The following ABTB2 variants were observed in gnomAD, a reference collection of about 807,000 sequenced individuals.
The protein encoded by ABTB2 is ankyrin repeat and BTB domain containing 2, also known as ankyrin repeat and BTB/POZ domain-containing protein 2.
A neutral mutation model predicts 104.1 loss-of-function variants in ABTB2; 56 were observed. The ratio of observed to expected loss-of-function variants is 0.54; its 90% CI spans 0.43 to 0.67. The LOEUF (loss-of-function observed/expected upper bound fraction) is 0.67, where lower values mean the gene tolerates loss of function less well. ABTB2 is among the 30% of genes least tolerant of loss of function. The pLI is 0.00. For missense variants in ABTB2, 1,279 were observed against 1,407.7 expected, an observed-to-expected ratio of 0.91 and a Z score of 1.46; for synonymous variants, 606 against 608.2, an observed-to-expected ratio of 1.00 and a Z score of 0.05.
intron 1 of ABTB2, among the ~76,000 whole-genome samples, chr11:34,266,495 A>G (rs1444573221): frequency 1.3e-5 from 2 of 151,896 alleles, no homozygotes; most frequent in Non-Finnish European, 2.9e-5. Flanking sequence ...GACACTATGC[A>G]CTCCTCCAGC....
chr11:34,268,489 G>T (rs892911093), intron 1 of ABTB2, among the ~76,000 whole-genome samples: 1 of 152,184 alleles, frequency 6.6e-6, no homozygotes, highest in African/African-American at 2.4e-5. Flanking sequence ...TCTGCCACTA[G>T]CCAAAACCTC....
intron 1 of ABTB2, chr11:34,335,635 T>G: frequency 6.8e-7 from 1 of 1,476,550 alleles, no homozygotes; most frequent in East Asian, 2.3e-5. Context: ...ATCATTACCC[T>G]GAAATTCATT....
intron 3 of ABTB2, among the ~76,000 whole-genome samples, chr11:34,185,839 T>C (rs77155043): frequency 0.019 from 2,879 of 152,294 alleles, 41 homozygotes; most frequent in Non-Finnish European, 0.029. Flanking sequence ...GTTACCACCA[T>C]AAAGCACTGA....
intron 1 of ABTB2, among the ~76,000 whole-genome samples, chr11:34,231,317 T>G (rs1481412417): frequency 6.6e-6 from 1 of 151,996 alleles, no homozygotes; most frequent in Non-Finnish European, 1.5e-5. Context: ...TAGGGGAGAA[T>G]AAACCAATCA....
At chr11:34,262,254 C>T (rs557000814) in intron 1 of ABTB2, among the ~76,000 whole-genome samples, 12 of 152,202 alleles carry the variant, frequency 7.9e-5, no homozygotes, top group Non-Finnish European at 1.3e-4. Context: ...TTCCTCAATA[C>T]TTTTGTCATC....
At chr11:34,253,931 TC>T (rs1007399439) in intron 1 of ABTB2, among the ~76,000 whole-genome samples, 1 of 152,112 alleles carries the variant, frequency 6.6e-6, no homozygotes, top group Non-Finnish European at 1.5e-5. Context: ...CAATCCTCCC[TC>T]AGTGAAGTTC....
intron 1 of ABTB2, among the ~76,000 whole-genome samples, chr11:34,305,881 T>C (rs183169946): frequency 1.8e-4 from 28 of 152,334 alleles, no homozygotes; most frequent in African/African-American, 6.5e-4. Context: ...AAAGACATTC[T>C]TCTATATCAC....
chr11:34,224,773 AAGGCACCATTGTCTCTAATCACC>A (rs1853666559), intron 1 of ABTB2, among the ~76,000 whole-genome samples: 1 of 152,216 alleles, frequency 6.6e-6, no homozygotes, highest in African/African-American at 2.4e-5. Flanking sequence ...CAAAAGACAG[AAGGCACCATTGTCTCTAATCACC>A]ACTGAACTCT....
chr11:34,242,141 C>A (rs937595693), intron 1 of ABTB2, among the ~76,000 whole-genome samples: 3 of 152,222 alleles, frequency 2.0e-5, no homozygotes, highest in African/African-American at 7.2e-5. Flanking sequence ...GAAGAGTGGG[C>A]TTTTGCCTTT....
intron 1 of ABTB2, among the ~76,000 whole-genome samples, chr11:34,342,635 C>T (rs73499317): frequency 0.049 from 7,438 of 152,124 alleles, 620 homozygotes; most frequent in African/African-American, 0.17. Context: ...GCACATGGGC[C>T]GGGGTCTGGT....
chr11:34,332,367 A>C (rs745939130), intron 1 of ABTB2, among the ~76,000 whole-genome samples: 6 of 152,222 alleles, frequency 3.9e-5, no homozygotes, highest in Non-Finnish European at 7.3e-5. Context: ...AGGAAAGGCT[A>C]CGCTAGTAAT....
intron 1 of ABTB2, among the ~76,000 whole-genome samples, chr11:34,290,923 A>G (rs887558101): frequency 2.6e-5 from 4 of 152,140 alleles, no homozygotes; most frequent in African/African-American, 9.7e-5. Context: ...TTTCCCAATA[A>G]AGTGTTCACA....
At chr11:34,169,221 C>T (rs1397931154) in intron 5 of ABTB2, among the ~76,000 whole-genome samples, 3 of 152,144 alleles carry the variant, frequency 2.0e-5, no homozygotes, top group African/African-American at 2.4e-5. Flanking sequence ...ATGACGGGCC[C>T]GGTGAGGAGA....
intron 3 of ABTB2, among the ~76,000 whole-genome samples, chr11:34,188,317 C>T (rs191413168): frequency 1.5e-4 from 23 of 152,246 alleles, no homozygotes; most frequent in Middle Eastern, 3.4e-3. Context: ...GCTGAGGACA[C>T]AGCAGGAACA....
Position 34,357,913 on chromosome 11 carries a change from A to G in ABTB2, c.-330T>C. The stretch of plus-strand genomic sequence containing the variant: ...CACAGAGAAGGAATCCCGGGAGAAC[A>G]GGGCGGCGGCGGCAGAAGGAGGAGG... On this transcript the variant is annotated 5_prime_UTR_variant, in exon 1 of 17. Coordinates refer to ENST00000435224, the MANE Select transcript of ABTB2 (RefSeq NM_145804.3). The G allele has an allele frequency of 7.6e-6, 2 of 262,894 alleles. No individual in the cohort carries two copies. The highest frequency in any genetic ancestry group is 1.4e-5 in the Non-Finnish European group (2 of 140,524). 16.3% of individuals were successfully genotyped at this position (262,894 alleles called of 1,614,324 possible). A position where few individuals can be genotyped will look rare whatever the true frequency, so the allele number is the denominator to read the frequency against.
At chr11:34,168,921 G>A (rs1448532624) in intron 5 of ABTB2, among the ~76,000 whole-genome samples, 3 of 152,230 alleles carry the variant, frequency 2.0e-5, no homozygotes, top group Non-Finnish European at 2.9e-5. Context: ...CTGGTGTCCC[G>A]TGATGTTATT....
At chr11:34,163,966 G>A (rs1852758335) in intron 9 of ABTB2, among the ~76,000 whole-genome samples, 1 of 151,994 alleles carries the variant, frequency 6.6e-6, no homozygotes, top group African/African-American at 2.4e-5. Context: ...GGGTGGCTGG[G>A]GTGGGTGAAT....
At chr11:34,225,537 A>G (rs564107137) in intron 1 of ABTB2, among the ~76,000 whole-genome samples, 1 of 151,220 alleles carries the variant, frequency 6.6e-6, no homozygotes, top group African/African-American at 2.4e-5. Flanking sequence ...GGGCAGATCA[A>G]CTGAGGTCAG....
chr11:34,164,607 C>G (rs1852771424), intron 9 of ABTB2, 79 bp downstream of exon 9: 2 of 1,373,820 alleles, frequency 1.5e-6, no homozygotes, highest in Non-Finnish European at 1.9e-6. Flanking sequence ...CTCTTTTGCT[C>G]CCATCGGGGA....
Sources: allele counts gnomAD v4.1 joint callset (sites outside exome capture counted in the v4.1 genomes callset), GRCh38; gene constraint gnomAD v4.1.1; transcripts MANE v1.5; gene names NCBI Gene and HGNC (gene_info 2026-07-23, HGNC 2026-07-21).